CEP85L: variants seen among roughly 807,000 people sequenced by gnomAD.
CEP85L encodes the protein centrosomal protein 85L, also known as centrosomal protein of 85 kDa-like.
Under a neutral mutation model 100.3 loss-of-function variants are expected in CEP85L, and 60 were observed. That is an observed-to-expected ratio of 0.60 (90% CI 0.49 to 0.74). CEP85L has a LOEUF of 0.74. CEP85L is among the 30% of genes least tolerant of loss of function. The probability of loss-of-function intolerance (pLI) is 0.00; values close to 1 mark genes in which losing one functional copy is unlikely to be tolerated. For missense variants in CEP85L, 973 were observed against 936.2 expected (o/e 1.04, Z -0.51); for synonymous variants, 319 against 322.7 (o/e 0.99, Z 0.12).
In CEP85L at chr6:118,483,834, T is replaced by C. The variant is rs1773974569; in HGVS notation, c.1462A>G (p.Ser488Gly). The change falls in exon 7 of 13, where the codon AGT (serine) becomes GGT (glycine). Residue 488 changes from serine to glycine, a missense_variant. Around this residue, in one of 3 missense-constraint regions of CEP85L, gnomAD observed 890 missense variants for 844.5 expected, o/e 1.05. Transcript: ENST00000368491. ...EKLKTRDRYI[S>G]SLKKKCQKES... ...TTCTGGCATTTCTTTTTCAGACTACTGATGTATCGATCTCTAGTTTTAAGC... is the reference window on the plus strand; with the variant it reads ...TTCTGGCATTTCTTTTTCAGACTACCGATGTATCGATCTCTAGTTTTAAGC... The C allele has an allele frequency of 1.2e-6, 2 of 1,613,526 alleles. No homozygotes were observed. The highest frequency in any genetic ancestry group is 1.3e-5 in the African/African-American group (1 of 74,886).
intron 9 of CEP85L, 148 bp from the exon 10 acceptor site, chr6:118,480,069 TCA>T (rs56251294): frequency 0.47 from 258,258 of 545,080 alleles, 64,464 homozygotes; most frequent in Non-Finnish European, 0.52. Context: ...ATGATTTGGG[TCA>T]CACACGTATA....
intron 2 of CEP85L, among the ~76,000 whole-genome samples, chr6:118,583,693 T>G (rs6569021): frequency 6.6e-6 from 1 of 151,982 alleles, no homozygotes; most frequent in Admixed American, 6.5e-5. Context: ...CTAAGGCCAG[T>G]GGCTAGGAAA....
chr6:118,610,420 GAC>G (rs1369365883), intron 2 of CEP85L, among the ~76,000 whole-genome samples: 2 of 152,150 alleles, frequency 1.3e-5, no homozygotes, highest in Non-Finnish European at 2.9e-5. Flanking sequence ...GCAATATGGT[GAC>G]ACCTCTTCCC....
At chr6:118,509,171 G>C (rs973822084) in intron 5 of CEP85L, among the ~76,000 whole-genome samples, 1 of 151,840 alleles carries the variant, frequency 6.6e-6, no homozygotes, top group Non-Finnish European at 1.5e-5. Context: ...ATTTGTCCTT[G>C]CACGCTGGCT....
At chr6:118,553,512 AT>A (rs1006181030) in intron 3 of CEP85L, among the ~76,000 whole-genome samples, 1 of 152,192 alleles carries the variant, frequency 6.6e-6, no homozygotes, top group African/African-American at 2.4e-5. Flanking sequence ...AATAAATTAA[AT>A]GTATATCATT....
intron 1 of CEP85L, among the ~76,000 whole-genome samples, chr6:118,691,057 GAC>G (rs908839288): frequency 6.6e-6 from 1 of 151,826 alleles, no homozygotes; most frequent in African/African-American, 2.4e-5. Flanking sequence ...AAGAGGGAGA[GAC>G]AGTTTAAAAA....
At chr6:118,656,122 G>A (rs534672717), upstream of CEP85L, among the ~76,000 whole-genome samples, 23 of 152,324 alleles carry the variant, frequency 1.5e-4, no homozygotes, top group Non-Finnish European at 2.5e-4. Flanking sequence ...ATTAATCTGC[G>A]GTGGTATATG....
At chr6:118,538,406 T>C (rs1384322779) in intron 3 of CEP85L, among the ~76,000 whole-genome samples, 1 of 151,804 alleles carries the variant, frequency 6.6e-6, no homozygotes. Context: ...GATATAAATA[T>C]ATATATAAAA....
chr6:118,696,593 A>C (rs1283350768), intron 1 of CEP85L, among the ~76,000 whole-genome samples: 3 of 152,218 alleles, frequency 2.0e-5, no homozygotes, highest in Non-Finnish European at 4.4e-5. Context: ...CCGTTGAGTG[A>C]GCCCCAGGAT....
At chr6:118,548,381 A>C in intron 3 of CEP85L, 1 of 152,114 alleles carries the variant, frequency 6.6e-6, no homozygotes, top group Non-Finnish European at 1.5e-5. Context: ...TGTGATGATC[A>C]CAGCTGCCAA....
At chr6:118,533,679 T>C (rs1777420933) in intron 3 of CEP85L, among the ~76,000 whole-genome samples, 1 of 152,160 alleles carries the variant, frequency 6.6e-6, no homozygotes, top group Non-Finnish European at 1.5e-5. Flanking sequence ...ACATCCATCA[T>C]GAACATAGAT....
At chr6:118,569,604 C>T (rs143388369) in intron 2 of CEP85L, among the ~76,000 whole-genome samples, 257 of 151,888 alleles carry the variant, frequency 1.7e-3, no homozygotes, top group Admixed American at 3.4e-3. Flanking sequence ...CTCCTCCATA[C>T]AATGGAGATG....
intron 1 of CEP85L, among the ~76,000 whole-genome samples, chr6:118,698,491 G>A (rs964382345): frequency 6.6e-6 from 1 of 151,632 alleles, no homozygotes; most frequent in Non-Finnish European, 1.5e-5. Flanking sequence ...TGCTGTTTTA[G>A]GTAAAGTCAA....
Position 118,463,159 on chromosome 6 carries a change from G to A in CEP85L, c.*2246C>T, listed in dbSNP as rs527414074. 6.6e-6 allele frequency: 1 copy of A among 151,586 alleles called. No individual in the cohort carries two copies. Among genetic ancestry groups the A allele is most frequent in the South Asian group, 2.1e-4 (1 of 4,816 alleles). The allele number at this position is 151,586 out of a possible 1,614,324, so 9.4% of individuals were successfully genotyped here. On this transcript the variant is annotated 3_prime_UTR_variant, in exon 13 of 13. Transcript: ENST00000368491. ...AATTACTTTCTCTAAGTTTTAGAAA[G>A]CTAACTTACAAATAAATTATTTTAT...
At chr6:118,545,656 A>T (rs768073895) in intron 3 of CEP85L, among the ~76,000 whole-genome samples, 1 of 152,206 alleles carries the variant, frequency 6.6e-6, no homozygotes, top group Non-Finnish European at 1.5e-5. Flanking sequence ...TATAAAAACA[A>T]AAGTAAAGAC....
intron 3 of CEP85L, among the ~76,000 whole-genome samples, chr6:118,534,455 C>T (rs1777471962): frequency 6.6e-6 from 1 of 151,846 alleles, no homozygotes; most frequent in Admixed American, 6.6e-5. Flanking sequence ...GAGTTCGAGA[C>T]CAGCCTGTCA....
At chr6:118,630,752 G>A (rs750003353) in intron 2 of CEP85L, among the ~76,000 whole-genome samples, 13 of 152,140 alleles carry the variant, frequency 8.5e-5, no homozygotes, top group East Asian at 1.9e-4. Context: ...AACCAGCACC[G>A]GTCAGTGGCC....
intron 3 of CEP85L, among the ~76,000 whole-genome samples, chr6:118,561,436 T>C (rs1403627558): frequency 6.6e-6 from 1 of 152,166 alleles, no homozygotes. Flanking sequence ...TACAGAATAC[T>C]ATAACTCAAA....
chr6:118,468,441 C>A (rs534160225), intron 12 of CEP85L, among the ~76,000 whole-genome samples: 3 of 152,132 alleles, frequency 2.0e-5, no homozygotes, highest in Non-Finnish European at 2.9e-5. Flanking sequence ...GAACCACGTA[C>A]AGAGATGAGC....
Sources: gnomAD v4.1 joint callset for allele counts (sites outside exome capture counted in the v4.1 genomes callset) on GRCh38, gnomAD v4.1.1 for gene constraint, gnomAD v4.1.1 regional missense constraint, MANE v1.5 for transcripts, NCBI Gene and HGNC (gene_info 2026-07-23, HGNC 2026-07-21) for gene names.